Variants in COPZ2 observed in about 807,000 individuals in gnomAD.
COPZ2 encodes coat protein complex I subunit zeta 2, also known as coatomer subunit zeta-2.
A neutral mutation model predicts 33.2 loss-of-function variants in COPZ2; 30 were observed. The ratio of observed to expected loss-of-function variants is 0.90; its 90% CI spans 0.68 to 1.23. The LOEUF is 1.23. Among genes scored for constraint, COPZ2 ranks in the 50% most tolerant of loss-of-function variants. The pLI, the probability that COPZ2 is intolerant of heterozygous loss-of-function variation, is 0.00. For synonymous variants in COPZ2, 89 were observed against 102.6 expected, an observed-to-expected ratio of 0.87 and a Z score of 0.80; for missense variants, 263 against 262.4, an observed-to-expected ratio of 1.00 and a Z score of -0.02.
chr17:48,032,178 G>C lies in COPZ2; in HGVS notation c.472C>G (p.Leu158Val). ...LENMDGAFLV[L>V]DEIVDGGVIL... ...CACCCGCCATCCACAATCTCGTCCA[G>C]CACCAAGAAGGCTCCGTCCATGTTC... is the stretch of plus-strand genomic sequence containing the variant. Residue 158 changes from leucine to valine, a missense_variant, in exon 6 of 9, where the codon CTG (leucine) becomes GTG (valine). By Grantham distance (32) the Leu-to-Val change is conservative. Coordinates refer to ENST00000621465, the MANE Select transcript of COPZ2 (RefSeq NM_016429.4). 6.2e-7 allele frequency: 1 copy of C among 1,613,488 alleles called. No homozygotes were observed.
At position 48,026,490 on chromosome 17, in the gene COPZ2, G is replaced by A; in HGVS notation, c.586-15C>T. ...GACTGAAGAACCTGGGGTGGGGTGG[G>A]GGAGGTTGAGAGAGAATTGAGAATG... On this transcript the variant is annotated splice_polypyrimidine_tract_variant and intron_variant, in intron 8 of 8. Coordinates refer to ENST00000621465, the MANE Select transcript of COPZ2 (RefSeq NM_016429.4). 1 of 1,597,074 alleles carries A rather than the reference G, an allele frequency of 6.3e-7. No individual in the cohort carries two copies. The highest frequency in any genetic ancestry group is 8.6e-7 in the Non-Finnish European group (1 of 1,164,968).
At position 48,036,879 on chromosome 17, in the gene COPZ2, T is replaced by C; in HGVS notation, c.158A>G (p.Asp53Gly). ...GGCCAGCAGCCGGCGCCCGTCATTA[T>C]CTAGGATGAAAACAGCCTTGATGGT... The part of the protein sequence containing the change: ...LYTIKAVFIL[D>G]NDGRRLLAKY... The change falls in exon 2 of 9, where the codon GAT becomes GGT. Residue 53 changes from aspartate to glycine, a missense_variant. Transcript: ENST00000621465. 6.2e-7 allele frequency: 1 copy of C among 1,613,932 alleles called. No individual in the cohort carries two copies. The highest frequency in any genetic ancestry group is 8.5e-7 in the Non-Finnish European group (1 of 1,179,868).
chr17:48,046,806 G>A, the COPZ2 span: 1 of 152,162 alleles, frequency 6.6e-6, no homozygotes, highest in Non-Finnish European at 1.5e-5. Flanking sequence ...GCCTGCTTGA[G>A]TCCCCCTTCA....
chr17:48,042,628 A>G (rs1022133513), upstream of COPZ2, among the ~76,000 whole-genome samples: 2 of 151,776 alleles, frequency 1.3e-5, no homozygotes, highest in South Asian at 4.2e-4. Flanking sequence ...TGCCCGGCTA[A>G]TTTTTGTATT....
upstream of COPZ2, among the ~76,000 whole-genome samples, chr17:48,040,433 ATTT>A (rs758072776): frequency 5.6e-5 from 7 of 125,590 alleles, no homozygotes; most frequent in Non-Finnish European, 5.1e-5. Context: ...TTGGTGACAG[ATTT>A]TTTTTTTTTT....
chr17:48,037,799 A>T, upstream of COPZ2: 4 of 986,254 alleles, frequency 4.1e-6, no homozygotes, highest in Non-Finnish European at 4.8e-6. This position sits in a 1 kb window ranked among gnomAD's most constrained non-coding sequence, Gnocchi z 5.6. Flanking sequence ...CCTCGCACTG[A>T]CAGCGCCGCC....
At chr17:48,035,508 A>C (rs1384646339) in intron 2 of COPZ2, among the ~76,000 whole-genome samples, 1 of 152,012 alleles carries the variant, frequency 6.6e-6, no homozygotes, top group Admixed American at 6.5e-5. Context: ...CAATCCTCCC[A>C]CTTCAGCCTC....
At chr17:48,027,154 T>C (rs527785679) in intron 8 of COPZ2, among the ~76,000 whole-genome samples, 7 of 152,340 alleles carry the variant, frequency 4.6e-5, no homozygotes, top group African/African-American at 1.7e-4. Flanking sequence ...CCCTCCTCTC[T>C]TGGGGACAGT....
upstream of COPZ2, among the ~76,000 whole-genome samples, chr17:48,041,808 A>AT (rs34673033): frequency 0.019 from 2,697 of 141,942 alleles, 55 homozygotes; most frequent in African/African-American, 0.052. Flanking sequence ...GAGCTAGTCC[A>AT]TTTTTTTTTT....
At chr17:48,040,082 A>G (rs1200944776), upstream of COPZ2, among the ~76,000 whole-genome samples, 1 of 151,816 alleles carries the variant, frequency 6.6e-6, no homozygotes. Context: ...AGACCGCACT[A>G]CAGCACTCCA....
In COPZ2 at chr17:48,029,160, C is replaced by G. The variant is rs1322751072; in HGVS notation, c.511G>C (p.Asp171His). The change falls in exon 7 of 9, where the codon GAC (aspartate) becomes CAC (histidine). Residue 171 changes from aspartate (D) to histidine (H), a missense_variant. Transcript: ENST00000621465. ...ACCTTCTGGATCACTTGCTGGGGGT[C>G]ACTCTCCAGAATCACACTACAAGAT... ...IVDGGVILES[D>H]PQQVIQKVNF... 1 of 1,577,722 alleles carries G rather than the reference C, an allele frequency of 6.3e-7. No homozygotes were observed. The highest frequency in any genetic ancestry group is 2.3e-5 in the East Asian group (1 of 43,134).
the COPZ2 span, chr17:48,043,444 C>T: frequency 1.1e-6 from 1 of 877,074 alleles, no homozygotes; most frequent in Non-Finnish European, 1.4e-6. Flanking sequence ...ACCAGCCTCT[C>T]TCTATCCCTC....
chr17:48,036,902 G>A lies in COPZ2; in HGVS notation c.135C>T (p.Thr45=). The A allele has an allele frequency of 1.9e-6, 3 of 1,613,960 alleles. No individual in the cohort carries two copies. The highest frequency in any genetic ancestry group is 2.5e-6 in the Non-Finnish European group (3 of 1,179,870). Residue 45 remains threonine (T), a synonymous_variant, in exon 2 of 9, where the codon ACC becomes ACT. Transcript: ENST00000621465. ...GLRLQEPSLY[T]IKAVFILDND... ...TATCTAGGATGAAAACAGCCTTGATGGTGTAGAGGGAAGGTTCCTGCAACT... is the reference window on the plus strand; with the variant it reads ...TATCTAGGATGAAAACAGCCTTGATAGTGTAGAGGGAAGGTTCCTGCAACT...
At chr17:48,029,440 G>C in intron 6 of COPZ2, 1 of 526,796 alleles carries the variant, frequency 1.9e-6, no homozygotes, top group Non-Finnish European at 3.3e-6. Flanking sequence ...AGAACAGTCT[G>C]GTCTAGGATG....
intron 8 of COPZ2, chr17:48,027,674 A>G (rs1314575636): frequency 6.6e-6 from 1 of 152,168 alleles, no homozygotes; most frequent in Non-Finnish European, 1.5e-5. Flanking sequence ...TGGGCGCCAC[A>G]CCTGGGACTC....
intron 6 of COPZ2, chr17:48,029,395 T>C: frequency 1.6e-6 from 1 of 613,158 alleles, no homozygotes; most frequent in Non-Finnish European, 2.9e-6. Context: ...TCCACATGCT[T>C]TGTCATCCCT....
upstream of COPZ2, among the ~76,000 whole-genome samples, chr17:48,040,629 C>G (rs1473459633): frequency 6.6e-6 from 1 of 151,054 alleles, no homozygotes; most frequent in Non-Finnish European, 1.5e-5. Flanking sequence ...GACAGGGTTT[C>G]ACCATGTTGG....
the COPZ2 span, among the ~76,000 whole-genome samples, chr17:48,044,951 GT>G: frequency 1.3e-5 from 2 of 151,946 alleles, no homozygotes; most frequent in Admixed American, 6.6e-5. Context: ...TTAAAGACAT[GT>G]TTTTCTTTTT....
chr17:48,029,459 G>A lies in COPZ2; in HGVS notation c.495-283C>T, dbSNP rs541749182. The A allele has an allele frequency of 3.7e-5, 18 of 490,442 alleles. No homozygotes were observed. The East Asian group carries it at 5.4e-4, about 15-fold the overall frequency. 30.4% of individuals were successfully genotyped at this position (490,442 alleles called of 1,614,324 possible). ...CAGTCTGGTCTAGGATGATCAGGTT[G>A]TCAAAAGCAGGGACTCTCAAAACTC... On this transcript the variant is annotated intron_variant, in intron 6 of 8. Coordinates refer to ENST00000621465, the MANE Select transcript of COPZ2 (RefSeq NM_016429.4).
Sources: gnomAD v4.1 joint callset for allele counts (sites outside exome capture counted in the v4.1 genomes callset) on GRCh38, gnomAD v4.1.1 for gene constraint, Gnocchi (gnomAD v3.1) non-coding constraint, MANE v1.5 for transcripts, NCBI Gene and HGNC (gene_info 2026-07-23, HGNC 2026-07-21) for gene names.